ZNF385A: variants seen among roughly 807,000 people sequenced by gnomAD.
The protein encoded by ZNF385A is hematopoietic zinc finger protein.
A neutral mutation model predicts 32.1 loss-of-function variants in ZNF385A; 14 were observed. That is an observed-to-expected ratio of 0.44 (90% CI 0.29 to 0.68). The LOEUF is 0.68. Ranked by LOEUF, ZNF385A falls within the 30% of genes least tolerant of loss-of-function variation. The pLI is 0.14. For synonymous variants in ZNF385A, 197 were observed against 202.7 expected (o/e 0.97, Z 0.24); for missense variants, 406 against 478.4 (o/e 0.85, Z 1.41).
chr12:54,382,925 G>A (rs975613033), intron 1 of ZNF385A, among the ~76,000 whole-genome samples: 1 of 152,198 alleles, frequency 6.6e-6, no homozygotes, highest in Middle Eastern at 3.4e-3. Context: ...CAGCACTTGG[G>A]AGGCTGAGGC....
At chr12:54,379,659 G>A (rs1955041505) in intron 1 of ZNF385A, among the ~76,000 whole-genome samples, 1 of 152,086 alleles carries the variant, frequency 6.6e-6, no homozygotes, top group Admixed American at 6.5e-5. Flanking sequence ...CTGAACCCGG[G>A]TACCCAGGTG....
In ZNF385A at chr12:54,382,914, C is replaced by T. The variant is rs1955271268; in HGVS notation, c.87+1514G>A. ...GGCACGGTGGCTCAAGCCTGTAATCCCAGCACTTGGGAGGCTGAGGCAGGT... is the reference window on the plus strand; with the variant it reads ...GGCACGGTGGCTCAAGCCTGTAATCTCAGCACTTGGGAGGCTGAGGCAGGT... On this transcript the variant is annotated intron_variant, in intron 1 of 6. Coordinates refer to ENST00000394313, the MANE Select transcript of ZNF385A (RefSeq NM_015481.3). Among the ~76,000 whole-genome samples the T allele has an allele frequency of 2.0e-5, 3 of 151,970 alleles. No individual in the cohort carries two copies. The South Asian group carries it at 6.3e-4, about 32-fold the overall frequency.
chr12:54,391,260 G>C, exon 1 of ZNF385A: 1 of 1,379,778 alleles, frequency 7.2e-7, no homozygotes, highest in South Asian at 1.6e-5. Context: ...GGACCCAGGC[G>C]CCCGGGGTTC....
upstream of ZNF385A, chr12:54,385,768 C>G: frequency 1.7e-6 from 1 of 580,010 alleles, no homozygotes; most frequent in Non-Finnish European, 2.2e-6. Context: ...TGGTTCTGCC[C>G]TCTGCCCCCT....
In ZNF385A at chr12:54,390,526, G is replaced by A. The variant is rs577690727; in HGVS notation, c.10+709C>T. ...AAGGAAGTGAGGAAAGAGGGACTTA[G>A]GCAGCTACAGCAGGGAGAGAGAGGG... On this transcript the variant is annotated intron_variant, in intron 1 of 7. Coordinates refer to the ZNF385A transcript ENST00000338010. Among the ~76,000 whole-genome samples, 12 of 151,476 alleles carry A rather than the reference G, an allele frequency of 7.9e-5. No individual in the cohort carries two copies. The South Asian group carries it at 2.5e-3, about 32-fold the overall frequency.
In ZNF385A at chr12:54,371,008, T is replaced by C. The variant is rs568150809; in HGVS notation, c.693A>G (p.Glu231=). The change falls in exon 5 of 7, where the codon GAA becomes GAG. Residue 231 remains glutamate (E), a synonymous_variant. Coordinates refer to ENST00000394313, the MANE Select transcript of ZNF385A (RefSeq NM_015481.3). ...TTCGGTCCTGGGCAGGAGCCTCTGG[T>C]TCCCCCGGGGTGGGAGGCCCCAGCC... is the stretch of plus-strand genomic sequence containing the variant. ...YPRLGPPTPG[E]PEAPAQDRTF... is the part of the protein sequence containing the mutation. 1 of 1,614,164 alleles carries C rather than the reference T, an allele frequency of 6.2e-7. No individual in the cohort carries two copies. Among genetic ancestry groups the C allele is most frequent in the South Asian group, 1.1e-5 (1 of 91,080 alleles).
intron 3 of ZNF385A, among the ~76,000 whole-genome samples, chr12:54,373,520 G>A (rs1007694177): frequency 6.6e-6 from 1 of 151,198 alleles, no homozygotes; most frequent in African/African-American, 2.4e-5. Context: ...GAGGTCAAAA[G>A]GTCTACTACT....
chr12:54,375,372 G>C (rs995467847), intron 2 of ZNF385A, among the ~76,000 whole-genome samples: 1 of 151,824 alleles, frequency 6.6e-6, no homozygotes, highest in African/African-American at 2.4e-5. Context: ...GAGTAGAAAT[G>C]GGGTGGAGAG....
intron 1 of ZNF385A, among the ~76,000 whole-genome samples, chr12:54,376,155 CCAATGCTCCCATTTTACAGGA>C (rs1189478735): frequency 1.3e-5 from 2 of 152,162 alleles, no homozygotes; most frequent in African/African-American, 4.8e-5. Context: ...GATAACTGGC[CCAATGCTCCCATTTTACAGGA>C]CATAGAAGTG....
At chr12:54,383,922 A>G (rs1211396039) in intron 1 of ZNF385A, among the ~76,000 whole-genome samples, 2 of 152,182 alleles carry the variant, frequency 1.3e-5, no homozygotes, top group African/African-American at 4.8e-5. Context: ...ACACACGAAT[A>G]GACAGCACCT....
chr12:54,387,196 A>T (rs993307085), upstream of ZNF385A, among the ~76,000 whole-genome samples: 1 of 152,156 alleles, frequency 6.6e-6, no homozygotes, highest in Non-Finnish European at 1.5e-5. Context: ...CAGAGGAGGG[A>T]TAGAGGAAAA....
At chr12:54,374,817 C>T (rs1319958293) in intron 2 of ZNF385A, among the ~76,000 whole-genome samples, 1 of 152,174 alleles carries the variant, frequency 6.6e-6, no homozygotes, top group East Asian at 1.9e-4. Context: ...CACCATCCAC[C>T]AGTGAGTGGA....
Position 54,370,489 on chromosome 12 carries a change from G to A in ZNF385A, c.871-3C>T. ...TCCTTGGAGAAAGTCAGCGTGCCCTGAAGCGGGCGAAAGGCGGAGGAAGAG... is the reference window on the plus strand; with the variant it reads ...TCCTTGGAGAAAGTCAGCGTGCCCTAAAGCGGGCGAAAGGCGGAGGAAGAG... On this transcript the variant is annotated splice_region_variant and splice_polypyrimidine_tract_variant and intron_variant, in intron 6 of 6. Coordinates refer to ENST00000394313, the MANE Select transcript of ZNF385A (RefSeq NM_015481.3). The surrounding 1 kb of genome is among the most constrained non-coding windows in gnomAD (Gnocchi z 5.5). The A allele has an allele frequency of 6.4e-7, 1 of 1,551,194 alleles. No individual in the cohort carries two copies. The highest frequency in any genetic ancestry group is 8.7e-7 in the Non-Finnish European group (1 of 1,146,822).
At chr12:54,375,323 G>C (rs367884554) in intron 2 of ZNF385A, among the ~76,000 whole-genome samples, 1 of 152,206 alleles carries the variant, frequency 6.6e-6, no homozygotes, top group African/African-American at 2.4e-5. Context: ...CATGGGATAA[G>C]AGTAGGGGCC....
intron 3 of ZNF385A, among the ~76,000 whole-genome samples, chr12:54,372,403 A>T (rs971199530): frequency 6.6e-6 from 1 of 150,912 alleles, no homozygotes; most frequent in Non-Finnish European, 1.5e-5. Flanking sequence ...TGGGAGGGGA[A>T]CTCCTCACCC....
intron 2 of ZNF385A, among the ~76,000 whole-genome samples, chr12:54,374,520 C>T (rs1954738343): frequency 6.6e-6 from 1 of 152,148 alleles, no homozygotes; most frequent in Non-Finnish European, 1.5e-5. Flanking sequence ...AGGCTATGTG[C>T]CCAAGTCCTC....
chr12:54,381,624 C>T (rs572653828), intron 1 of ZNF385A, among the ~76,000 whole-genome samples: 5 of 152,284 alleles, frequency 3.3e-5, no homozygotes, highest in African/African-American at 9.6e-5. Context: ...GTTTTCTCCC[C>T]ATCTTATGAC....
exon 1 of ZNF385A, chr12:54,391,240 A>G: frequency 1.4e-6 from 2 of 1,432,698 alleles, no homozygotes; most frequent in Non-Finnish European, 1.8e-6. Context: ...CTCACCGAGG[A>G]TCATGCTGGG....
chr12:54,385,627 T>C, upstream of ZNF385A: 1 of 985,378 alleles, frequency 1.0e-6, no homozygotes, highest in Non-Finnish European at 1.2e-6. Flanking sequence ...GCAGAAGGTC[T>C]CCAGGATCCC....
Sources: gnomAD v4.1 joint callset for allele counts (sites outside exome capture counted in the v4.1 genomes callset) on GRCh38, gnomAD v4.1.1 for gene constraint, Gnocchi (gnomAD v3.1) non-coding constraint, MANE v1.5 for transcripts, NCBI Gene and HGNC (gene_info 2026-07-23, HGNC 2026-07-21) for gene names.